Variants in ZNF692 observed in about 807,000 individuals in gnomAD.
The protein encoded by ZNF692 is zinc finger protein 692.
Under a neutral mutation model 49.0 loss-of-function variants are expected in ZNF692, and 41 were observed. That is an observed-to-expected ratio of 0.84 (90% CI 0.65 to 1.08). The LOEUF is 1.08. Ranked by LOEUF, ZNF692 falls within the 50% of genes least tolerant of loss-of-function variation. The probability of loss-of-function intolerance (pLI) is 0.00; values close to 1 mark genes in which losing one functional copy is unlikely to be tolerated. For missense variants in ZNF692, 662 were observed against 662.2 expected, an observed-to-expected ratio of 1.00 and a Z score of 0.00; for synonymous variants, 288 against 251.5, an observed-to-expected ratio of 1.15 and a Z score of -1.37.
Position 248,855,570 on chromosome 1 carries a change from G to C in ZNF692, c.947C>G (p.Pro316Arg), listed in dbSNP as rs747549466. ...CCCTAAGTCCTACCTAATTCTCTTG[G>C]GGCCAATTTGTGCAGTGTCCTCATC... is the stretch of plus-strand genomic sequence containing the variant. ...AWDEDTAQIG[P>R]KRIRKAAKRE... is the part of the protein sequence containing the mutation. The change falls in exon 8 of 12, where the codon CCC becomes CGC. Residue 316 changes from proline (P) to arginine (R), a missense_variant. Pro to Arg is a moderately radical substitution (Grantham distance 103). Coordinates refer to ENST00000306601, the MANE Select transcript of ZNF692 (RefSeq NM_017865.4). 1 of 1,614,144 alleles carries C rather than the reference G, an allele frequency of 6.2e-7. No individual in the cohort carries two copies. Among genetic ancestry groups the C allele is most frequent in the Non-Finnish European group, 8.5e-7 (1 of 1,180,022 alleles).
At position 248,850,078 on chromosome 1, in the gene ZNF692, G is replaced by T. The variant is rs1197689281; in HGVS notation, c.*132C>A. On this transcript the variant is annotated 3_prime_UTR_variant, in exon 12 of 12. Coordinates refer to ENST00000306601, the MANE Select transcript of ZNF692 (RefSeq NM_017865.4). ...TCCAGCTCCCCTACAGCCCAGTCTT[G>T]CCCCCACCCTGCACTCTGTCGCCTT... 6.1e-6 allele frequency: 6 copies of T among 991,408 alleles called. No individual in the cohort carries two copies. Among genetic ancestry groups the T allele is most frequent in the Non-Finnish European group, 8.7e-6 (6 of 693,268 alleles). The allele number at this position is 991,408 out of a possible 1,614,324, so 61.4% of individuals were successfully genotyped here.
chr1:248,858,665 T>C lies in ZNF692; in HGVS notation c.-13+253A>G. On this transcript the variant is annotated intron_variant, in intron 1 of 11. Transcript: ENST00000306601. This position sits in a 1 kb window ranked among gnomAD's most constrained non-coding sequence, Gnocchi z 4.3. Reference sequence around the variant, plus strand: ...CTGGGGGCGGTCCACACATTTCATCTTGAATAGGGCAGCGGCCTTTACTGG... The same window carrying C: ...CTGGGGGCGGTCCACACATTTCATCCTGAATAGGGCAGCGGCCTTTACTGG... The C allele has an allele frequency of 9.8e-7, 1 of 1,015,754 alleles. No homozygotes were observed. Among genetic ancestry groups the C allele is most frequent in the Non-Finnish European group, 1.5e-6 (1 of 663,748 alleles). The allele number at this position is 1,015,754 out of a possible 1,614,324, so 62.9% of individuals were successfully genotyped here. A position where few individuals can be genotyped will look rare whatever the true frequency, so the allele number is the denominator to read the frequency against.
chr1:248,853,051 A>G (rs575941318), intron 10 of ZNF692, among the ~76,000 whole-genome samples: 1 of 152,260 alleles, frequency 6.6e-6, no homozygotes, highest in East Asian at 1.9e-4. Context: ...GAAAAATCAC[A>G]TCACCTTCTG....
chr1:248,850,258 G>A lies in ZNF692; in HGVS notation c.1512C>T (p.Ser504=), dbSNP rs1024779892. The A allele has an allele frequency of 2.5e-6, 4 of 1,590,480 alleles. No homozygotes were observed. Among genetic ancestry groups the A allele is most frequent in the Admixed American group, 1.7e-5 (1 of 57,640 alleles). The change falls in exon 12 of 12, where the codon TCC becomes TCT. Residue 504 remains serine, a synonymous_variant. Coordinates refer to ENST00000306601, the MANE Select transcript of ZNF692 (RefSeq NM_017865.4). ...GAGCCTGAGGAGATGCAGAGGGCCTGGACCCCTCGCTGGATCCCAGAGGCC... is the reference window on the plus strand; with the variant it reads ...GAGCCTGAGGAGATGCAGAGGGCCTAGACCCCTCGCTGGATCCCAGAGGCC... The part of the protein sequence containing the change: ...APGPLGSSEG[S]RPSASPQAPT...
At position 248,858,074 on chromosome 1, in the gene ZNF692, G is replaced by T. The variant is rs761493932; in HGVS notation, c.179+57C>A. On this transcript the variant is annotated intron_variant, in intron 2 of 11. Transcript: ENST00000306601. This position sits in a 1 kb window ranked among gnomAD's most constrained non-coding sequence, Gnocchi z 4.3. ...GAGCAGCAGGACAGGCCCTGGAGAG[G>T]AGGCTAGGGGCTGCTGCCTGGGTAC... 1 of 1,550,086 alleles carries T rather than the reference G, an allele frequency of 6.5e-7. No homozygotes were observed. The highest frequency in any genetic ancestry group is 2.3e-5 in the East Asian group (1 of 43,338).
intron 3 of ZNF692, 108 bp from the exon 4 acceptor site, chr1:248,857,605 GCCC>G: frequency 6.6e-7 from 1 of 1,504,734 alleles, no homozygotes; most frequent in African/African-American, 1.4e-5. Context: ...GGCAACCTCA[GCCC>G]CAGTCCAATT....
At chr1:248,854,405 AC>A (rs1484674445) in intron 9 of ZNF692, 2 of 210,186 alleles carry the variant, frequency 9.5e-6, no homozygotes, top group East Asian at 1.2e-4. Context: ...TCATGAATGC[AC>A]TATCTGCTGC....
Position 248,850,394 on chromosome 1 carries a change from T to C in ZNF692, c.1376A>G (p.Lys459Arg). 6.2e-7 allele frequency: 1 copy of C among 1,614,142 alleles called. No individual in the cohort carries two copies. The change falls in exon 12 of 12, where the codon AAG becomes AGG. Residue 459 changes from lysine to arginine, a missense_variant. Lys to Arg is a conservative substitution (Grantham distance 26). Transcript: ENST00000306601. ...ACGGTGGGCTGCAACACTGTCTGGC[T>C]TCTCAAAGCGCTTGCCGCAGAATTC... ...PCEFCGKRFE[K>R]PDSVAAHRSK...
chr1:248,856,653 CCT>C, intron 4 of ZNF692, 91 bp from the exon 5 acceptor site: 1 of 1,513,650 alleles, frequency 6.6e-7, no homozygotes, highest in Non-Finnish European at 9.1e-7. Context: ...ATGGGAGACT[CCT>C]CTTTTTTTTT....
intron 4 of ZNF692, 129 bp downstream of exon 4, chr1:248,857,105 G>C: frequency 1.0e-6 from 1 of 961,102 alleles, no homozygotes; most frequent in Non-Finnish European, 1.6e-6. Flanking sequence ...TGTATTTGAT[G>C]ATATATTTGT....
chr1:248,852,076 T>C (rs1659665875), intron 10 of ZNF692, among the ~76,000 whole-genome samples: 1 of 152,248 alleles, frequency 6.6e-6, no homozygotes, highest in African/African-American at 2.4e-5. Context: ...GGCCTGCACA[T>C]GTGTACTGTA....
In ZNF692 at chr1:248,853,945, A is replaced by G. The variant is rs767244295; in HGVS notation, c.1145T>C (p.Leu382Pro). 7.4e-6 allele frequency: 12 copies of G among 1,613,754 alleles called. No individual in the cohort carries two copies. The highest frequency in any genetic ancestry group is 6.8e-6 in the Non-Finnish European group (8 of 1,179,644). Reference protein sequence around the residue: ...FKKHLKEHMKLHSDTRDYICE... With the variant: ...FKKHLKEHMKPHSDTRDYICE... Reference sequence around the variant, plus strand: ...GGAGTTCCACCACTCACCACTGTGCAGCTTCATGTGCTCCTTCAGGTGTTT... The same window carrying G: ...GGAGTTCCACCACTCACCACTGTGCGGCTTCATGTGCTCCTTCAGGTGTTT... Residue 382 changes from leucine (L) to proline (P), a missense_variant, in exon 10 of 12, where the codon CTG becomes CCG. By Grantham distance (98) the Leu-to-Pro change is moderately conservative (BLOSUM62 -3). Transcript: ENST00000306601.
chr1:248,856,199 GC>G, intron 6 of ZNF692, 88 bp downstream of exon 6: 4 of 1,458,726 alleles, frequency 2.7e-6, no homozygotes, highest in Non-Finnish European at 3.7e-6. Flanking sequence ...ACACTAACAA[GC>G]CCTTCCCTCT....
At position 248,859,052 on chromosome 1, in the gene ZNF692, T is replaced by C. The variant is rs1468688280; in HGVS notation, c.-147A>G. 1 of 153,564 alleles carries C rather than the reference T, an allele frequency of 6.5e-6. No homozygotes were observed. Among genetic ancestry groups the C allele is most frequent in the African/African-American group, 2.4e-5 (1 of 41,452 alleles). The allele number at this position is 153,564 out of a possible 1,614,324, so 9.5% of individuals were successfully genotyped here. ...GCGTTTCTCTTTTAAGAAGAAACGG[T>C]GCCTCTCGGCGTCGGCTGCTGTAGC... On this transcript the variant is annotated 5_prime_UTR_variant, in exon 1 of 12. Transcript: ENST00000306601.
chr1:248,858,564 G>A lies in ZNF692; in HGVS notation c.-12-243C>T. The A allele has an allele frequency of 6.4e-7, 1 of 1,551,642 alleles. No individual in the cohort carries two copies. The highest frequency in any genetic ancestry group is 8.7e-7 in the Non-Finnish European group (1 of 1,146,938). On this transcript the variant is annotated intron_variant, in intron 1 of 11. Coordinates refer to ENST00000306601, the MANE Select transcript of ZNF692 (RefSeq NM_017865.4). The surrounding 1 kb of genome is among the most constrained non-coding windows in gnomAD (Gnocchi z 4.3). ...GGCAGACAGAAGCAGTCAGAACAAA[G>A]GCCTGCGCCCTCCAGTCCACTGAAG...
rs144428102 is a variant in ZNF692, at chr1:248,850,266, C to T, written c.1504G>A (p.Glu502Lys). 47 of 1,596,248 alleles carry T rather than the reference C, an allele frequency of 2.9e-5. No individual in the cohort carries two copies. Among genetic ancestry groups the T allele is most frequent in the East Asian group, 1.6e-4 (7 of 44,612 alleles). ...ISAPGPLGSSEGSRPSASPQA... is the reference protein window; with the variant it reads ...ISAPGPLGSSKGSRPSASPQA... The stretch of plus-strand genomic sequence containing the variant: ...GGAGATGCAGAGGGCCTGGACCCCT[C>T]GCTGGATCCCAGAGGCCCAGGGGCA... The change falls in exon 12 of 12, where the codon GAG (glutamate) becomes AAG (lysine). Residue 502 changes from glutamate to lysine, a missense_variant. Physicochemically the swap from Glu to Lys is moderately conservative, Grantham distance 56 (BLOSUM62 1). Transcript: ENST00000306601.
chr1:248,853,306 AC>A (rs1478072326), intron 10 of ZNF692, among the ~76,000 whole-genome samples: 1 of 152,168 alleles, frequency 6.6e-6, no homozygotes, highest in Non-Finnish European at 1.5e-5. Context: ...CCCTGTTCAC[AC>A]AGCAGCCACA....
intron 4 of ZNF692, 72 bp downstream of exon 4, chr1:248,857,162 G>C (rs544168884): frequency 7.0e-7 from 1 of 1,420,588 alleles, no homozygotes; most frequent in Non-Finnish European, 9.6e-7. Flanking sequence ...TAGAGAACAG[G>C]GTTCTGAGCT....
chr1:248,857,981 G>T (rs1289529128), intron 2 of ZNF692, 122 bp from the exon 3 acceptor site: 2 of 1,553,564 alleles, frequency 1.3e-6, no homozygotes, highest in Admixed American at 3.9e-5. Flanking sequence ...GAGGAGGGGA[G>T]CAGGACCCTC....
Sources: allele counts gnomAD v4.1 joint callset (sites outside exome capture counted in the v4.1 genomes callset), GRCh38; gene constraint gnomAD v4.1.1; non-coding constraint Gnocchi (gnomAD v3.1); transcripts MANE v1.5; gene names NCBI Gene and HGNC (gene_info 2026-07-23, HGNC 2026-07-21).